The following LRIF1 variants were observed in gnomAD, a reference collection of about 807,000 sequenced individuals.
LRIF1 encodes ligand dependent nuclear receptor interacting factor 1.
Under a neutral mutation model 52.7 loss-of-function variants are expected in LRIF1, and 32 were observed. The observed-to-expected ratio is 0.61, with a 90% CI of 0.46 to 0.82. The LOEUF is 0.82. LRIF1 is among the 40% of genes least tolerant of loss of function. The pLI, the probability that LRIF1 is intolerant of heterozygous loss-of-function variation, is 0.00. For missense variants in LRIF1, 887 were observed against 892.0 expected (o/e 0.99, Z 0.07); for synonymous variants, 323 against 317.4 (o/e 1.02, Z -0.19).
chr1:110,941,100 T>C, the LRIF1 span: 30 of 152,058 alleles, frequency 2.0e-4, no homozygotes, highest in African/African-American at 5.6e-4. Flanking sequence ...CATGAATATA[T>C]ACACCTACTA....
At chr1:110,878,901 T>C in the LRIF1 span, among the ~76,000 whole-genome samples, 2 of 152,226 alleles carry the variant, frequency 1.3e-5, no homozygotes, top group African/African-American at 4.8e-5. Flanking sequence ...TGAAAGGAAG[T>C]CTTACAGAAA....
At chr1:110,936,489 T>C in the LRIF1 span, 131 of 152,298 alleles carry the variant, frequency 8.6e-4, no homozygotes, top group African/African-American at 3.0e-3. Flanking sequence ...TGTTTTTGCT[T>C]CTTTGTTTGT....
At chr1:110,921,478 A>G in the LRIF1 span, among the ~76,000 whole-genome samples, 16 of 152,180 alleles carry the variant, frequency 1.1e-4, no homozygotes, top group African/African-American at 3.9e-4. Context: ...AAAAATCATA[A>G]AATTGAATAA....
At chr1:110,897,564 C>G in the LRIF1 span, 1 of 326,758 alleles carries the variant, frequency 3.1e-6, no homozygotes, top group Non-Finnish European at 5.6e-6. Flanking sequence ...TTTAACTCAG[C>G]GGGTAAGGAT....
chr1:110,912,264 T>C, the LRIF1 span, among the ~76,000 whole-genome samples: 2 of 152,024 alleles, frequency 1.3e-5, no homozygotes, highest in Non-Finnish European at 2.9e-5. Flanking sequence ...CAGACTGGAG[T>C]GCAGTGGCAT....
chr1:110,902,419 G>C, the LRIF1 span, among the ~76,000 whole-genome samples: 2 of 141,040 alleles, frequency 1.4e-5, no homozygotes, highest in Non-Finnish European at 3.0e-5. Context: ...AGGCTTTGTG[G>C]AACAAAGGCA....
At chr1:110,934,571 T>C in the LRIF1 span, among the ~76,000 whole-genome samples, 1 of 152,180 alleles carries the variant, frequency 6.6e-6, no homozygotes, top group South Asian at 2.1e-4. Flanking sequence ...TCTCCATGGC[T>C]TGTGGTGGCA....
At chr1:110,909,830 C>G in the LRIF1 span, among the ~76,000 whole-genome samples, 1 of 152,074 alleles carries the variant, frequency 6.6e-6, no homozygotes, top group African/African-American at 2.4e-5. Context: ...ATCCACCCAC[C>G]TCTGCCTCCC....
intron 1 of LRIF1, among the ~76,000 whole-genome samples, chr1:110,962,559 T>C (rs1028896512): frequency 2.0e-5 from 3 of 151,802 alleles, no homozygotes; most frequent in African/African-American, 4.8e-5. Flanking sequence ...ATGCTTATAA[T>C]AGTAATAGTT....
chr1:110,926,635 A>G, the LRIF1 span, among the ~76,000 whole-genome samples: 12 of 152,148 alleles, frequency 7.9e-5, no homozygotes, highest in African/African-American at 2.9e-4. Flanking sequence ...AGACTTAAAT[A>G]AATGAAGAAA....
At chr1:110,949,159 C>A (rs1658346844) in intron 3 of LRIF1, among the ~76,000 whole-genome samples, 1 of 151,770 alleles carries the variant, frequency 6.6e-6, no homozygotes, top group Non-Finnish European at 1.5e-5. Context: ...CGTTCTGTTG[C>A]CAGACTGGAG....
Position 110,959,473 on chromosome 1 carries a change from C to T in LRIF1, c.68+4148G>A, listed in dbSNP as rs144630330. Among the ~76,000 whole-genome samples the T allele has an allele frequency of 6.0e-3, 909 of 152,030 alleles. 11 individuals carry two copies. The highest frequency in any genetic ancestry group is 0.021 in the African/African-American group (851 of 41,452). ...TTAAAAATGTAATGAGAAATATGGC[C>T]GGGTGCAGTGGCTCATGCTTGTAAT... On this transcript the variant is annotated intron_variant, in intron 1 of 3. Coordinates refer to ENST00000369763, the MANE Select transcript of LRIF1 (RefSeq NM_018372.4).
At chr1:110,892,381 C>G in the LRIF1 span, 2 of 1,613,954 alleles carry the variant, frequency 1.2e-6, no homozygotes, top group East Asian at 2.2e-5. Context: ...TGGGATCTAC[C>G]TGCTGATCCA....
the LRIF1 span, among the ~76,000 whole-genome samples, chr1:110,932,578 C>T: frequency 0.058 from 8,778 of 152,080 alleles, 297 homozygotes; most frequent in East Asian, 0.14. Context: ...TTGGGCAATA[C>T]GGCCATTTTT....
At chr1:110,927,116 A>C in the LRIF1 span, among the ~76,000 whole-genome samples, 5 of 152,228 alleles carry the variant, frequency 3.3e-5, no homozygotes, top group Non-Finnish European at 7.3e-5. Context: ...AGGTGAATTA[A>C]AGACCAGTCT....
intron 1 of LRIF1, among the ~76,000 whole-genome samples, chr1:110,956,438 G>A (rs965896148): frequency 2.6e-5 from 4 of 152,152 alleles, no homozygotes; most frequent in Non-Finnish European, 5.9e-5. Flanking sequence ...AACTGGATAG[G>A]AAGAAAATGA....
the LRIF1 span, among the ~76,000 whole-genome samples, chr1:110,907,518 G>C: frequency 1.5e-4 from 23 of 151,956 alleles, no homozygotes; most frequent in Non-Finnish European, 2.9e-4. Flanking sequence ...GGGAGGCCGA[G>C]GTCAGGAGTT....
At chr1:110,932,680 G>A in the LRIF1 span, among the ~76,000 whole-genome samples, 1 of 152,088 alleles carries the variant, frequency 6.6e-6, no homozygotes, top group Non-Finnish European at 1.5e-5. Context: ...AGGTTTCTCT[G>A]CTACAAAGCT....
chr1:110,897,821 A>T, the LRIF1 span: 1 of 1,608,266 alleles, frequency 6.2e-7, no homozygotes, highest in Non-Finnish European at 8.5e-7. Context: ...TTGCTATGCG[A>T]AAGCAAGACT....
Sources: allele counts gnomAD v4.1 joint callset (sites outside exome capture counted in the v4.1 genomes callset), GRCh38; gene constraint gnomAD v4.1.1; transcripts MANE v1.5; gene names NCBI Gene and HGNC (gene_info 2026-07-23, HGNC 2026-07-21).